SPIN1: variants seen among roughly 807,000 people sequenced by gnomAD.
The protein encoded by SPIN1 is spindlin-1.
SPIN1 carries 3 observed loss-of-function variants against 26.0 expected under a neutral mutation model. That is an observed-to-expected ratio of 0.12 (90% confidence interval 0.05 to 0.30). The LOEUF (loss-of-function observed/expected upper bound fraction) is 0.30, where lower values mean the gene tolerates loss of function less well. Among genes scored for constraint, SPIN1 ranks in the 10% least tolerant of loss-of-function variants. The pLI, the probability that SPIN1 is intolerant of heterozygous loss-of-function variation, is 1.00. For missense variants in SPIN1, 126 were observed against 333.4 expected, an observed-to-expected ratio of 0.38 and a Z score of 4.84; for synonymous variants, 101 against 116.5, an observed-to-expected ratio of 0.87 and a Z score of 0.86.
intron 1 of SPIN1, among the ~76,000 whole-genome samples, chr9:88,392,254 A>C (rs909377803): frequency 4.6e-5 from 7 of 152,038 alleles, no homozygotes; most frequent in Admixed American, 1.3e-4. Context: ...TTTAATGTTA[A>C]ATTATGTTTT....
chr9:88,428,033 C>A (rs1389334000), intron 2 of SPIN1, among the ~76,000 whole-genome samples: 1 of 152,010 alleles, frequency 6.6e-6, no homozygotes, highest in Non-Finnish European at 1.5e-5. Flanking sequence ...ATTTTTATTT[C>A]TTCTCATTAA....
chr9:88,464,949 C>T (rs556716529), intron 4 of SPIN1, among the ~76,000 whole-genome samples: 1 of 152,316 alleles, frequency 6.6e-6, no homozygotes, highest in South Asian at 2.1e-4. Context: ...CACCATTCTA[C>T]ACTCTGTCTC....
chr9:88,393,373 A>G (rs1245010250), intron 1 of SPIN1, among the ~76,000 whole-genome samples: 1 of 146,308 alleles, frequency 6.8e-6, no homozygotes. Context: ...CATATCATAT[A>G]TTTGAATTAC....
intron 3 of SPIN1, among the ~76,000 whole-genome samples, chr9:88,456,735 A>G (rs1350648202): frequency 1.3e-5 from 2 of 152,186 alleles, no homozygotes; most frequent in East Asian, 1.9e-4. Context: ...ACGAACACCA[A>G]GAATCATGAG....
chr9:88,425,587 A>G (rs1827748207), intron 1 of SPIN1, among the ~76,000 whole-genome samples: 1 of 151,418 alleles, frequency 6.6e-6, no homozygotes, highest in African/African-American at 2.4e-5. Flanking sequence ...CTGAGGCAGA[A>G]TTGCTTGAAC....
At chr9:88,434,354 T>TAATTTATAAAATTATTTTAC (rs1827953025) in intron 2 of SPIN1, among the ~76,000 whole-genome samples, 1 of 104,770 alleles carries the variant, frequency 9.5e-6, no homozygotes, top group African/African-American at 5.8e-5. Flanking sequence ...GTTTATTTTA[T>TAATTTATAAAATTATTTTAC]AAATTATAAA....
chr9:88,400,513 A>G (rs1827163904), intron 1 of SPIN1, among the ~76,000 whole-genome samples: 1 of 152,178 alleles, frequency 6.6e-6, no homozygotes, highest in Admixed American at 6.6e-5. Context: ...TTTCTGGCCT[A>G]ACAAGGAACT....
At chr9:88,432,213 C>T (rs1319425634) in intron 2 of SPIN1, among the ~76,000 whole-genome samples, 4 of 76,872 alleles carry the variant, frequency 5.2e-5, no homozygotes, top group Non-Finnish European at 7.0e-5. Context: ...TTTTTTGAGA[C>T]AGAGTCTTGC....
intron 2 of SPIN1, among the ~76,000 whole-genome samples, chr9:88,432,110 C>T (rs1827888668): frequency 6.6e-6 from 1 of 152,006 alleles, no homozygotes; most frequent in South Asian, 2.1e-4. Context: ...CTTCTTCTCT[C>T]TGAAATGCAT....
At chr9:88,396,062 A>C (rs1827048803) in intron 1 of SPIN1, among the ~76,000 whole-genome samples, 1 of 151,398 alleles carries the variant, frequency 6.6e-6, no homozygotes, top group Admixed American at 6.6e-5. Flanking sequence ...CAACAGCAAC[A>C]ACAACAAAAA....
intron 3 of SPIN1, among the ~76,000 whole-genome samples, chr9:88,457,423 G>A (rs1461718069): frequency 6.6e-6 from 1 of 152,008 alleles, no homozygotes; most frequent in Non-Finnish European, 1.5e-5. Context: ...CAGCTACTTA[G>A]GGAGGCTGAG....
At chr9:88,425,949 A>G (rs746472607) in intron 1 of SPIN1, among the ~76,000 whole-genome samples, 1 of 152,018 alleles carries the variant, frequency 6.6e-6, no homozygotes, top group Non-Finnish European at 1.5e-5. Context: ...CCTCCCCAGT[A>G]ACCTCACACC....
intron 1 of SPIN1, among the ~76,000 whole-genome samples, chr9:88,393,916 T>C (rs1826993766): frequency 1.3e-5 from 2 of 152,064 alleles, no homozygotes; most frequent in South Asian, 4.1e-4. Context: ...GGTGTGACCT[T>C]GGCTTACTAC....
chr9:88,475,460 A>G lies in SPIN1; in HGVS notation c.*183A>G. ...GATGTGAACACAAAGCATTTTGTGT[A>G]AGGAGAACCCCTTTCTTTTAAAAGA... On this transcript the variant is annotated 3_prime_UTR_variant, in exon 6 of 6. Coordinates refer to ENST00000375859, the MANE Select transcript of SPIN1 (RefSeq NM_006717.3). 4.0e-6 allele frequency: 2 copies of G among 505,376 alleles called. No homozygotes were observed. The highest frequency in any genetic ancestry group is 6.7e-6 in the Non-Finnish European group (2 of 298,878). The allele number at this position is 505,376 out of a possible 1,614,324, so 31.3% of individuals were successfully genotyped here.
rs917111235 is a variant in SPIN1, at chr9:88,403,895, G to A, written c.-159+15357G>A. On this transcript the variant is annotated intron_variant, in intron 1 of 5. Coordinates refer to ENST00000375859, the MANE Select transcript of SPIN1 (RefSeq NM_006717.3). ...AGTCTTACTTATTTTTCCAGCATGT[G>A]TTGCTTAATGATGAGAATATGTTCT... Among the ~76,000 whole-genome samples the A allele has an allele frequency of 1.8e-4, 27 of 152,116 alleles. 1 individual carries two copies. Among genetic ancestry groups the A allele is most frequent in the Non-Finnish European group, 1.5e-5 (1 of 68,028 alleles).
chr9:88,427,032 T>G (rs777570844), intron 2 of SPIN1, among the ~76,000 whole-genome samples: 1 of 152,216 alleles, frequency 6.6e-6, no homozygotes, highest in Non-Finnish European at 1.5e-5. Context: ...TTCATTCTTA[T>G]TTTTGTGGCA....
intron 2 of SPIN1, among the ~76,000 whole-genome samples, chr9:88,430,087 G>A (rs1205675345): frequency 6.6e-6 from 1 of 152,186 alleles, no homozygotes; most frequent in Non-Finnish European, 1.5e-5. Context: ...CTAAGTCCCT[G>A]TATCAGTAAC....
chr9:88,410,000 T>C (rs1285405206), intron 1 of SPIN1, among the ~76,000 whole-genome samples: 1 of 152,150 alleles, frequency 6.6e-6, no homozygotes, highest in Non-Finnish European at 1.5e-5. Context: ...AGTTCTTTTC[T>C]CCTAATCTTA....
Position 88,475,374 on chromosome 9 carries a change from T to C in SPIN1, c.*97T>C. 1 of 1,276,244 alleles carries C rather than the reference T, an allele frequency of 7.8e-7. No individual in the cohort carries two copies. The highest frequency in any genetic ancestry group is 2.5e-5 in the East Asian group (1 of 40,664). 79.1% of individuals were successfully genotyped at this position (1,276,244 alleles called of 1,614,324 possible). On this transcript the variant is annotated 3_prime_UTR_variant, in exon 6 of 6. Transcript: ENST00000375859. The stretch of plus-strand genomic sequence containing the variant: ...CTTTCCAGTTTAATGAAAGCTTAAA[T>C]GTCCCTGCGAACCCACAATCTCTGC...
Sources: gnomAD v4.1 joint callset for allele counts (sites outside exome capture counted in the v4.1 genomes callset) on GRCh38, gnomAD v4.1.1 for gene constraint, MANE v1.5 for transcripts, NCBI Gene and HGNC (gene_info 2026-07-23, HGNC 2026-07-21) for gene names.